Variants in ZNF839 observed in about 807,000 individuals in gnomAD.
ZNF839 encodes zinc finger protein 839, also known as renal carcinoma antigen NY-REN-50.
A neutral mutation model predicts 56.4 loss-of-function variants in ZNF839; 38 were observed. That is an observed-to-expected ratio of 0.67 (90% CI 0.52 to 0.88). The LOEUF (loss-of-function observed/expected upper bound fraction) is 0.88, where lower values mean the gene tolerates loss of function less well. ZNF839 is among the 40% of genes least tolerant of loss of function. The pLI is 0.00. For missense variants in ZNF839, 1,091 were observed against 1,177.6 expected (o/e 0.93, Z 1.08); for synonymous variants, 486 against 493.5 (o/e 0.98, Z 0.20).
Position 102,320,243 on chromosome 14 carries a change from C to T in ZNF839, c.288+190C>T, listed in dbSNP as rs1430659041. Among the ~76,000 whole-genome samples the T allele has an allele frequency of 2.0e-5, 3 of 152,242 alleles. No individual in the cohort carries two copies. The East Asian group carries it at 5.8e-4, about 29-fold the overall frequency. On this transcript the variant is annotated intron_variant, in intron 1 of 7. Transcript: ENST00000442396. ...ACCCTGGCATTTTCACCCCAGGAGC[C>T]TCACTCTAGGAGCGGTTGCTCACGC...
Position 102,319,994 on chromosome 14 carries a change from G to T in ZNF839, c.229G>T (p.Ala77Ser), listed in dbSNP as rs1004965812. Reference protein sequence around the residue: ...RRLRDAAQQAALQRGRGTEPP... With the variant: ...RRLRDAAQQASLQRGRGTEPP... ...GCTGCGGGACGCGGCCCAACAGGCC[G>T]CCCTGCAGCGGGGCCGGGGCACCGA... The change falls in exon 1 of 8, where the codon GCC (alanine) becomes TCC (serine). Residue 77 changes from alanine (A) to serine (S), a missense_variant. By Grantham distance (99) the Ala-to-Ser change is moderately conservative. Coordinates refer to ENST00000442396, the MANE Select transcript of ZNF839 (RefSeq NM_018335.6). The surrounding 1 kb of genome is among the most constrained non-coding windows in gnomAD (Gnocchi z 4.5). 2.6e-6 allele frequency: 3 copies of T among 1,168,388 alleles called. No individual in the cohort carries two copies. The highest frequency in any genetic ancestry group is 3.5e-4 in the Middle Eastern group (1 of 2,866). The allele number at this position is 1,168,388 out of a possible 1,614,324, so 72.4% of individuals were successfully genotyped here. A position where few individuals can be genotyped will look rare whatever the true frequency, so the allele number is the denominator to read the frequency against.
intron 2 of ZNF839, among the ~76,000 whole-genome samples, chr14:102,330,473 A>G (rs934167517): frequency 2.6e-5 from 4 of 151,008 alleles, no homozygotes; most frequent in South Asian, 2.1e-4. Flanking sequence ...ACCTCAGGCA[A>G]TCCACCTGCC....
chr14:102,327,798 G>C (rs1027381816), intron 2 of ZNF839, among the ~76,000 whole-genome samples: 1 of 152,168 alleles, frequency 6.6e-6, no homozygotes, highest in African/African-American at 2.4e-5. Context: ...CTGTGTGCTA[G>C]GATGATTTAG....
In ZNF839 at chr14:102,332,782, C is replaced by T. The variant is rs561654455; in HGVS notation, c.1416+936C>T. On this transcript the variant is annotated intron_variant, in intron 3 of 7. Transcript: ENST00000442396. This position sits in a 1 kb window ranked among gnomAD's most constrained non-coding sequence, Gnocchi z 4.9. ...AAAATTAGCTGGGCATGGTGGCAGG[C>T]GCCTGTAATCCCAGCCACTTGGGAG... Among the ~76,000 whole-genome samples, 15 of 152,182 alleles carry T rather than the reference C, an allele frequency of 9.9e-5. No homozygotes were observed. The highest frequency in any genetic ancestry group is 3.4e-4 in the African/African-American group (14 of 41,536).
rs186224793 is a variant in ZNF839, at chr14:102,320,366, C to G, written c.288+313C>G. On this transcript the variant is annotated intron_variant, in intron 1 of 7. Coordinates refer to ENST00000442396, the MANE Select transcript of ZNF839 (RefSeq NM_018335.6). Reference sequence around the variant, plus strand: ...CTAGCTCTTCTTACAGGCCTTTCACCGCTGGTTCAGCCTTTGTGGAGCACT... The same window carrying G: ...CTAGCTCTTCTTACAGGCCTTTCACGGCTGGTTCAGCCTTTGTGGAGCACT... 7.6e-4 allele frequency among the ~76,000 whole-genome samples: 116 copies of G among 152,304 alleles called. 1 individual carries two copies. The highest frequency in any genetic ancestry group is 2.7e-3 in the African/African-American group (112 of 41,556).
In ZNF839 at chr14:102,326,084, AAG is replaced by A. The variant is rs866401750; in HGVS notation, c.391_392del (p.Ser131ProfsTer37). The A allele has an allele frequency of 2.5e-6, 4 of 1,613,976 alleles. No homozygotes were observed. Among genetic ancestry groups the A allele is most frequent in the Non-Finnish European group, 1.7e-6 (2 of 1,179,856 alleles). ...CACAATCCAGCCCCAAACTGCAAGA[AAG>A]AGCCAGCTGCCCCGGGGGAATTCCT... ...PTTIQPQTAR[K>X]SQLPRGNSCL... On this transcript the variant is annotated frameshift_variant, in exon 2 of 8. Transcript: ENST00000442396. LOFTEE classifies it high-confidence loss of function. This position sits in a 1 kb window ranked among gnomAD's most constrained non-coding sequence, Gnocchi z 4.3.
chr14:102,333,195 C>A (rs1191598996), intron 3 of ZNF839, among the ~76,000 whole-genome samples: 2 of 151,784 alleles, frequency 1.3e-5, no homozygotes, highest in Non-Finnish European at 1.5e-5. Flanking sequence ...CTGTGGCCCT[C>A]CTCTGAAGCC....
In ZNF839 at chr14:102,328,396, AT is replaced by A. The variant is rs1567288771; in HGVS notation, c.1191+1510del. Among the ~76,000 whole-genome samples, 70 of 105,794 alleles carry A rather than the reference AT, an allele frequency of 6.6e-4. 1 individual carries two copies. The South Asian group carries it at 6.7e-3, about 10-fold the overall frequency. The allele number at this position is 105,794 out of a possible 152,430, so 69.4% of individuals were successfully genotyped here. A position where few individuals can be genotyped will look rare whatever the true frequency, so the allele number is the denominator to read the frequency against. The stretch of plus-strand genomic sequence containing the variant: ...AAAAAATATATATATATATATATAT[AT>A]ATATATATATATATGTATACACACA... On this transcript the variant is annotated intron_variant, in intron 2 of 7. Coordinates refer to ENST00000442396, the MANE Select transcript of ZNF839 (RefSeq NM_018335.6).
chr14:102,325,529 A>C (rs973828678), intron 1 of ZNF839, among the ~76,000 whole-genome samples: 1 of 151,164 alleles, frequency 6.6e-6, no homozygotes, highest in Admixed American at 6.6e-5. Flanking sequence ...ATGGAGTCTC[A>C]CTCTGTTGCC....
chr14:102,325,899 A>G (rs1292587536), intron 1 of ZNF839, 86 bp from the exon 2 acceptor site: 49 of 1,435,668 alleles, frequency 3.4e-5, no homozygotes, highest in Non-Finnish European at 4.4e-5. Context: ...AAAAATGTCA[A>G]TAATGGTTTT....
upstream of ZNF839, among the ~76,000 whole-genome samples, chr14:102,318,898 G>T (rs1373676851): frequency 6.6e-6 from 1 of 152,158 alleles, no homozygotes; most frequent in Non-Finnish European, 1.5e-5. Flanking sequence ...TACCCCCCAG[G>T]GCGGAAACAG....
At chr14:102,331,411 G>A (rs764806024) in intron 2 of ZNF839, 1 of 507,160 alleles carries the variant, frequency 2.0e-6, no homozygotes, top group East Asian at 3.5e-5. Context: ...ACCGCGCCTG[G>A]CTAATTTTTT....
rs1167979550 is a variant in ZNF839, at chr14:102,332,708, G to A, written c.1416+862G>A. Among the ~76,000 whole-genome samples, 3 of 151,746 alleles carry A rather than the reference G, an allele frequency of 2.0e-5. No homozygotes were observed. The highest frequency in any genetic ancestry group is 2.1e-4 in the South Asian group (1 of 4,792). ...GCGGATCACCTGAAGTCAGGAGTTCGAGACCAGCCTGACCAACATAGTGAA... is the reference window on the plus strand; with the variant it reads ...GCGGATCACCTGAAGTCAGGAGTTCAAGACCAGCCTGACCAACATAGTGAA... On this transcript the variant is annotated intron_variant, in intron 3 of 7. Coordinates refer to ENST00000442396, the MANE Select transcript of ZNF839 (RefSeq NM_018335.6). This position sits in a 1 kb window ranked among gnomAD's most constrained non-coding sequence, Gnocchi z 4.9.
At chr14:102,334,533 T>C (rs1458485697) in intron 3 of ZNF839, 21 bp from the exon 4 acceptor site, 1 of 1,580,300 alleles carries the variant, frequency 6.3e-7, no homozygotes, top group African/African-American at 1.3e-5. Context: ...TTCAAAGGCA[T>C]GAAATGCTTT....
chr14:102,330,074 C>T (rs1023496469), intron 2 of ZNF839, among the ~76,000 whole-genome samples: 16 of 151,920 alleles, frequency 1.1e-4, no homozygotes, highest in African/African-American at 2.9e-4. Context: ...GGATTACAGG[C>T]GTGAGCCATT....
At chr14:102,331,443 T>G in intron 2 of ZNF839, 179 bp from the exon 3 acceptor site, 1 of 575,120 alleles carries the variant, frequency 1.7e-6, no homozygotes, top group Non-Finnish European at 3.1e-6. Context: ...AGAGATGGGG[T>G]TTCACCATGC....
Position 102,331,747 on chromosome 14 carries a change from C to T in ZNF839, c.1317C>T (p.Arg439=), listed in dbSNP as rs756893713. ...RACSETLAES[R]TAVLQQRRAA... Reference sequence around the variant, plus strand: ...GCTCAGAGACCCTTGCAGAGTCCCGCACAGCTGTCCTCCAGCAGAGAAGAG... The same window carrying T: ...GCTCAGAGACCCTTGCAGAGTCCCGTACAGCTGTCCTCCAGCAGAGAAGAG... Residue 439 remains arginine (R), a synonymous_variant, in exon 3 of 8, where the codon CGC becomes CGT. Coordinates refer to ENST00000442396, the MANE Select transcript of ZNF839 (RefSeq NM_018335.6). The T allele has an allele frequency of 6.2e-6, 10 of 1,604,272 alleles. No individual in the cohort carries two copies.
chr14:102,319,964 C>T lies in ZNF839; in HGVS notation c.199C>T (p.Arg67Trp), dbSNP rs1385532985. Residue 67 changes from arginine to tryptophan, a missense_variant, in exon 1 of 8, where the codon CGG (arginine) becomes TGG (tryptophan). By Grantham distance (101) the Arg-to-Trp change is moderately radical (BLOSUM62 -3). Transcript: ENST00000442396. The surrounding 1 kb of genome is among the most constrained non-coding windows in gnomAD (Gnocchi z 4.5). ...CCCCTTCGTGCTGCGGGACGCGGCG[C>T]GGCGGCTGCGGGACGCGGCCCAACA... ...PPPFVLRDAA[R>W]RLRDAAQQAA... The T allele has an allele frequency of 1.7e-6, 2 of 1,159,500 alleles. No individual in the cohort carries two copies. Among genetic ancestry groups the T allele is most frequent in the Non-Finnish European group, 2.1e-6 (2 of 945,552 alleles). 71.8% of individuals were successfully genotyped at this position (1,159,500 alleles called of 1,614,324 possible).
intron 1 of ZNF839, among the ~76,000 whole-genome samples, chr14:102,323,355 G>A (rs1207784215): frequency 6.6e-6 from 1 of 152,208 alleles, no homozygotes; most frequent in Admixed American, 6.5e-5. Flanking sequence ...GATGAGGTTT[G>A]CCTCTTTTTC....
Sources: allele counts gnomAD v4.1 joint callset (sites outside exome capture counted in the v4.1 genomes callset), GRCh38; gene constraint gnomAD v4.1.1; non-coding constraint Gnocchi (gnomAD v3.1); transcripts MANE v1.5; gene names NCBI Gene and HGNC (gene_info 2026-07-23, HGNC 2026-07-21).